SEMA3D: variants seen among roughly 807,000 people sequenced by gnomAD.
SEMA3D encodes semaphorin-3D.
In SEMA3D, 84 loss-of-function variants were observed where a neutral mutation model predicts 100.1. That is an observed-to-expected ratio of 0.84 (90% confidence interval 0.70 to 1.01). The LOEUF (loss-of-function observed/expected upper bound fraction) is 1.01. Among genes scored for constraint, SEMA3D ranks in the 50% least tolerant of loss-of-function variants. The probability of loss-of-function intolerance (pLI) is 0.00; values close to 1 mark genes in which losing one functional copy is unlikely to be tolerated. For missense variants in SEMA3D, 875 were observed against 934.1 expected (o/e 0.94, Z 0.82); for synonymous variants, 312 against 320.7 (o/e 0.97, Z 0.29).
intron 4 of SEMA3D, among the ~76,000 whole-genome samples, chr7:85,091,072 AAGAGAAAGAG>A (rs1258274523): frequency 6.8e-6 from 1 of 146,338 alleles, no homozygotes; most frequent in African/African-American, 2.6e-5. Context: ...GAAGGAGAGA[AAGAGAAAGAG>A]AGAGAAAGAG....
rs551726281 is a variant in SEMA3D, at chr7:85,130,509, C to A, written c.-40-8578G>T. On this transcript the variant is annotated intron_variant, in intron 2 of 18. Transcript: ENST00000284136. Reference sequence around the variant, plus strand: ...AGTTTGCACATGCTCATTGTTGGGGCCTTCTGGCCCAGAAACGAGCTGGAT... The same window carrying A: ...AGTTTGCACATGCTCATTGTTGGGGACTTCTGGCCCAGAAACGAGCTGGAT... 1.4e-4 allele frequency among the ~76,000 whole-genome samples: 21 copies of A among 152,224 alleles called. 1 individual carries two copies. The South Asian group carries it at 4.1e-3, about 30-fold the overall frequency.
At chr7:85,242,993 T>C in the SEMA3D span, among the ~76,000 whole-genome samples, 1 of 152,098 alleles carries the variant, frequency 6.6e-6, no homozygotes, top group Non-Finnish European at 1.5e-5. Context: ...AAATATTATA[T>C]AGTTTTACGG....
chr7:85,034,114 C>G (rs1308014975), intron 12 of SEMA3D, among the ~76,000 whole-genome samples: 1 of 151,960 alleles, frequency 6.6e-6, no homozygotes, highest in Admixed American at 6.6e-5. Context: ...GCCTGACATT[C>G]CTCATCTGTA....
intron 8 of SEMA3D, 96 bp from the exon 9 acceptor site, chr7:85,055,955 AT>A: frequency 1.6e-6 from 1 of 640,732 alleles, no homozygotes; most frequent in Non-Finnish European, 2.6e-6. Flanking sequence ...TAGCAGTAGA[AT>A]TTTTAAAAAA....
chr7:85,197,172 T>C, the SEMA3D span, among the ~76,000 whole-genome samples: 3 of 152,298 alleles, frequency 2.0e-5, no homozygotes, highest in African/African-American at 7.2e-5. Context: ...GGGGGAAAAT[T>C]TGCAACTGGA....
At chr7:85,083,009 C>T (rs1788108578) in intron 4 of SEMA3D, among the ~76,000 whole-genome samples, 4 of 152,226 alleles carry the variant, frequency 2.6e-5, no homozygotes, top group Admixed American at 2.6e-4. Flanking sequence ...AGCCAGCAGT[C>T]AAATATCAGT....
chr7:85,034,604 C>CA (rs907963747), intron 12 of SEMA3D, among the ~76,000 whole-genome samples: 3 of 151,176 alleles, frequency 2.0e-5, no homozygotes, highest in African/African-American at 2.4e-5. Context: ...GAGACTCTGA[C>CA]AAAAAAACAA....
At chr7:85,052,562 G>A (rs190036904) in intron 9 of SEMA3D, among the ~76,000 whole-genome samples, 1 of 152,042 alleles carries the variant, frequency 6.6e-6, no homozygotes, top group East Asian at 1.9e-4. Context: ...CCATTCCTTA[G>A]CGTAGTCCCA....
At chr7:85,018,729 T>C (rs541525058) in intron 14 of SEMA3D, among the ~76,000 whole-genome samples, 1 of 151,890 alleles carries the variant, frequency 6.6e-6, no homozygotes, top group East Asian at 1.9e-4. Context: ...TGAGAAGTTA[T>C]AGTGCTCCTT....
intron 4 of SEMA3D, among the ~76,000 whole-genome samples, chr7:85,093,369 G>C (rs1788457298): frequency 6.6e-6 from 1 of 151,846 alleles, no homozygotes; most frequent in Non-Finnish European, 1.5e-5. Context: ...TCCTAAAAAA[G>C]AGATATAAGT....
At chr7:85,114,959 C>T (rs1004944822) in intron 3 of SEMA3D, among the ~76,000 whole-genome samples, 1 of 152,098 alleles carries the variant, frequency 6.6e-6, no homozygotes, top group African/African-American at 2.4e-5. Context: ...GACAATTTAT[C>T]ACAATTGACT....
In SEMA3D at chr7:85,027,704, G is replaced by A. The variant is rs116822302; in HGVS notation, c.1192-5091C>T. On this transcript the variant is annotated intron_variant, in intron 12 of 18. Coordinates refer to ENST00000284136, the MANE Select transcript of SEMA3D (RefSeq NM_001384900.1). ...GCTTAGTGTTTTTGATGTTTTATGCGGCTTAATGTTTGTTTTCCCAACATA... is the reference window on the plus strand; with the variant it reads ...GCTTAGTGTTTTTGATGTTTTATGCAGCTTAATGTTTGTTTTCCCAACATA... 8.3e-3 allele frequency: 2,442 copies of A among 294,960 alleles called. 66 individuals carry two copies. Among genetic ancestry groups the A allele is most frequent in the African/African-American group, 0.051 (2,264 of 44,666 alleles). The allele number at this position is 294,960 out of a possible 1,614,324, so 18.3% of individuals were successfully genotyped here.
At chr7:85,157,136 T>C (rs144067583) in intron 1 of SEMA3D, among the ~76,000 whole-genome samples, 39 of 152,220 alleles carry the variant, frequency 2.6e-4, no homozygotes, top group Admixed American at 7.2e-4. Flanking sequence ...TAAAAAAAAA[T>C]AGACCTAGGG....
chr7:85,245,887 T>C, the SEMA3D span, among the ~76,000 whole-genome samples: 5 of 152,252 alleles, frequency 3.3e-5, no homozygotes, highest in South Asian at 4.1e-4. Context: ...GGCTATATCA[T>C]AGTTTAAGCA....
chr7:85,127,760 G>C (rs1789606909), intron 2 of SEMA3D, among the ~76,000 whole-genome samples: 1 of 152,134 alleles, frequency 6.6e-6, no homozygotes, highest in South Asian at 2.1e-4. Context: ...GTCAGAGAAA[G>C]TACTAACATC....
Position 85,121,869 on chromosome 7 carries a change from C to T in SEMA3D, c.23G>A (p.Arg8Lys), listed in dbSNP as rs1376590093. Residue 8 changes from arginine (R) to lysine (K), a missense_variant, in exon 3 of 19, where the codon AGA (arginine) becomes AAA (lysine). Transcript: ENST00000284136. ...AAAATCTTGGCTTCTGGCTTTAAGT[C>T]TTTCATCTTTATTAGCATTCATGAT... MNANKDE[R>K]LKARSQDFHL... 6.3e-7 allele frequency: 1 copy of T among 1,588,744 alleles called. No individual in the cohort carries two copies.
At chr7:85,058,134 TC>T (rs1473495342) in intron 8 of SEMA3D, among the ~76,000 whole-genome samples, 2 of 152,156 alleles carry the variant, frequency 1.3e-5, no homozygotes, top group African/African-American at 4.8e-5. Context: ...TTTCCTGTTT[TC>T]TTTTGTTTGT....
chr7:85,171,552 A>T (rs1012871843), intron 1 of SEMA3D, among the ~76,000 whole-genome samples: 7 of 152,094 alleles, frequency 4.6e-5, no homozygotes, highest in African/African-American at 1.7e-4. Context: ...ACCTTGATCA[A>T]GATCAACCTT....
In SEMA3D at chr7:85,029,782, C is replaced by T. The variant is rs536247332; in HGVS notation, c.1191+7107G>A. The T allele has an allele frequency of 2.4e-3, 555 of 230,388 alleles. 11 individuals carry two copies. The South Asian group carries it at 0.034, about 14-fold the overall frequency. The allele number at this position is 230,388 out of a possible 1,614,324, so 14.3% of individuals were successfully genotyped here. On this transcript the variant is annotated intron_variant, in intron 12 of 18. Transcript: ENST00000284136. ...TGTATCAAATTCTATGGCAGTTTTA[C>T]GGTCGAGCTGCTATACTAAATTACT...
Sources: gnomAD v4.1 joint callset for allele counts (sites outside exome capture counted in the v4.1 genomes callset) on GRCh38, gnomAD v4.1.1 for gene constraint, MANE v1.5 for transcripts, NCBI Gene and HGNC (gene_info 2026-07-23, HGNC 2026-07-21) for gene names.